Variants in SOCS2 observed in about 807,000 individuals in gnomAD.
The protein encoded by SOCS2 is suppressor of cytokine signaling 2.
A neutral mutation model predicts 18.6 loss-of-function variants in SOCS2; 10 were observed. The ratio of observed to expected loss-of-function variants is 0.54; its 90% confidence interval spans 0.33 to 0.91. The LOEUF (loss-of-function observed/expected upper bound fraction) is 0.91. Among genes scored for constraint, SOCS2 ranks in the 40% least tolerant of loss-of-function variants. The probability of loss-of-function intolerance (pLI) is 0.02; values close to 1 mark genes in which losing one functional copy is unlikely to be tolerated. For synonymous variants in SOCS2, 104 were observed against 104.0 expected, an observed-to-expected ratio of 1.00 and a Z score of 0.00; for missense variants, 231 against 247.2, an observed-to-expected ratio of 0.93 and a Z score of 0.44.
the SOCS2 span, among the ~76,000 whole-genome samples, chr12:93,611,898 G>A: frequency 0.019 from 2,826 of 151,828 alleles, 105 homozygotes; most frequent in African/African-American, 0.065. Context: ...GGAGGCCTCC[G>A]TTGGTTTGCT....
chr12:93,574,633 A>T, intron 1 of SOCS2, 89 bp from the exon 2 acceptor site: 1 of 915,270 alleles, frequency 1.1e-6, no homozygotes, highest in Admixed American at 3.5e-5. Flanking sequence ...GAGCTAAAAA[A>T]ATTATTGCCA....
At chr12:93,586,724 T>C (rs1954586738), downstream of SOCS2, among the ~76,000 whole-genome samples, 1 of 152,248 alleles carries the variant, frequency 6.6e-6, no homozygotes, top group Non-Finnish European at 1.5e-5. Flanking sequence ...ATTGAAACTT[T>C]GCATTATCTT....
rs1486703603 is a variant in SOCS2, at chr12:93,572,715, ACTTTGTCAT to A, written c.-181_-173del. Reference sequence around the variant, plus strand: ...CAGTGGGTGACCGCGGCTGCGAGGGACTTTGTCATCCGTCCTCCAGGATCTGGGGAGAAA... The same window carrying A: ...CAGTGGGTGACCGCGGCTGCGAGGGACCGTCCTCCAGGATCTGGGGAGAAA... On this transcript the variant is annotated 5_prime_UTR_variant, in exon 1 of 2. Transcript: ENST00000551556. This position sits in a 1 kb window ranked among gnomAD's most constrained non-coding sequence, Gnocchi z 5.0. 28 of 828,842 alleles carry A rather than the reference ACTTTGTCAT, an allele frequency of 3.4e-5. No homozygotes were observed. In the African/African-American group the frequency reaches 4.7e-4, roughly 14 times the overall value. The allele number at this position is 828,842 out of a possible 1,614,324, so 51.3% of individuals were successfully genotyped here.
At chr12:93,610,019 C>T in the SOCS2 span, among the ~76,000 whole-genome samples, 2 of 152,184 alleles carry the variant, frequency 1.3e-5, no homozygotes, top group Non-Finnish European at 2.9e-5. Context: ...GACATTAATT[C>T]ATTCAAGAGA....
At chr12:93,590,829 T>C in the SOCS2 span, among the ~76,000 whole-genome samples, 2 of 132,992 alleles carry the variant, frequency 1.5e-5, no homozygotes, top group Admixed American at 7.4e-5. Flanking sequence ...AAAAGTTAGC[T>C]TCCCAGTGTA....
At chr12:93,607,974 A>G in the SOCS2 span, among the ~76,000 whole-genome samples, 378 of 148,974 alleles carry the variant, frequency 2.5e-3, 3 homozygotes, top group Middle Eastern at 6.9e-3. Context: ...TTTTGTTTTT[A>G]GTAGTTATGG....
the SOCS2 span, among the ~76,000 whole-genome samples, chr12:93,603,273 T>C: frequency 6.6e-6 from 1 of 152,248 alleles, no homozygotes; most frequent in African/African-American, 2.4e-5. Flanking sequence ...GGTCACTGTG[T>C]GCAGGGCCTT....
chr12:93,602,366 G>A, the SOCS2 span, among the ~76,000 whole-genome samples: 1 of 152,150 alleles, frequency 6.6e-6, no homozygotes, highest in Non-Finnish European at 1.5e-5. Context: ...AAGGTACTGG[G>A]ATTACAGGCA....
At chr12:93,603,558 C>G in the SOCS2 span, among the ~76,000 whole-genome samples, 2 of 152,274 alleles carry the variant, frequency 1.3e-5, no homozygotes, top group East Asian at 1.9e-4. Context: ...TTCCTCAAAG[C>G]ACTTTCGTTG....
chr12:93,570,026 A>G (rs1954190874), upstream of SOCS2: 1 of 152,152 alleles, frequency 6.6e-6, no homozygotes, highest in East Asian at 1.9e-4. Context: ...ATGAGTTTCC[A>G]CTAAGGCCAG....
At chr12:93,615,699 G>A in the SOCS2 span, among the ~76,000 whole-genome samples, 5 of 152,202 alleles carry the variant, frequency 3.3e-5, 1 homozygote, top group African/African-American at 4.8e-5. Flanking sequence ...GGGTTCAAGC[G>A]ATTCTTATGC....
chr12:93,609,014 C>T, the SOCS2 span, among the ~76,000 whole-genome samples: 2 of 152,196 alleles, frequency 1.3e-5, no homozygotes, highest in Non-Finnish European at 2.9e-5. Flanking sequence ...AATTCCAGCA[C>T]TTTGGGAGGC....
the SOCS2 span, among the ~76,000 whole-genome samples, chr12:93,620,100 G>A: frequency 1.3e-5 from 2 of 151,802 alleles, no homozygotes; most frequent in Admixed American, 1.3e-4. Context: ...ATAAATATTT[G>A]CTGGTTTACT....
At chr12:93,608,807 A>G in the SOCS2 span, among the ~76,000 whole-genome samples, 3 of 152,190 alleles carry the variant, frequency 2.0e-5, no homozygotes, top group Non-Finnish European at 4.4e-5. Flanking sequence ...ACATCAGTTT[A>G]ATGGAACCAC....
the SOCS2 span, among the ~76,000 whole-genome samples, chr12:93,606,321 C>T: frequency 6.6e-6 from 1 of 152,124 alleles, no homozygotes; most frequent in African/African-American, 2.4e-5. Context: ...AGAAGTGCCA[C>T]AAGTGGATAG....
chr12:93,626,167 C>G, the SOCS2 span, among the ~76,000 whole-genome samples: 1 of 152,146 alleles, frequency 6.6e-6, no homozygotes, highest in African/African-American at 2.4e-5. Flanking sequence ...TTCTATTTAT[C>G]CCACAGATGC....
chr12:93,614,540 C>CTTCCTTCTTTCT, the SOCS2 span, among the ~76,000 whole-genome samples: 1 of 37,144 alleles, frequency 2.7e-5, no homozygotes, highest in Non-Finnish European at 4.4e-5. Flanking sequence ...TCCTTCCTTC[C>CTTCCTTCTTTCT]TTCTTTCTTT....
At chr12:93,601,810 A>G in the SOCS2 span, among the ~76,000 whole-genome samples, 2 of 152,208 alleles carry the variant, frequency 1.3e-5, no homozygotes, top group African/African-American at 4.8e-5. Flanking sequence ...CAATATCTTG[A>G]TGCATTATAC....
chr12:93,602,822 G>A, the SOCS2 span, among the ~76,000 whole-genome samples: 10 of 152,184 alleles, frequency 6.6e-5, no homozygotes, highest in African/African-American at 2.4e-4. Flanking sequence ...ACTCTGCGAG[G>A]AGAGGGTGGT....
Sources: gnomAD v4.1 joint callset for allele counts (sites outside exome capture counted in the v4.1 genomes callset) on GRCh38, gnomAD v4.1.1 for gene constraint, Gnocchi (gnomAD v3.1) non-coding constraint, MANE v1.5 for transcripts, NCBI Gene and HGNC (gene_info 2026-07-23, HGNC 2026-07-21) for gene names.